Variants in JPH2 observed in about 807,000 individuals in gnomAD.
JPH2 encodes junctophilin-2.
Under a neutral mutation model 55.9 loss-of-function variants are expected in JPH2, and 38 were observed. The ratio of observed to expected loss-of-function variants is 0.68; its 90% CI spans 0.52 to 0.89. JPH2 has a LOEUF of 0.89. JPH2 is among the 40% of genes least tolerant of loss of function. JPH2 has a pLI of 0.00. For missense variants in JPH2, 964 were observed against 1,037.6 expected, an observed-to-expected ratio of 0.93 and a Z score of 0.97; for synonymous variants, 480 against 472.4, an observed-to-expected ratio of 1.02 and a Z score of -0.21.
chr20:44,127,618 T>G (rs560845877), intron 2 of JPH2, among the ~76,000 whole-genome samples: 1 of 152,154 alleles, frequency 6.6e-6, no homozygotes, highest in South Asian at 2.1e-4. Flanking sequence ...CCCGAGTACC[T>G]GGGATTACAG....
intron 2 of JPH2, among the ~76,000 whole-genome samples, chr20:44,152,487 G>A (rs938194548): frequency 1.9e-4 from 29 of 152,046 alleles, no homozygotes; most frequent in African/African-American, 6.8e-4. Context: ...ACCTACCTGG[G>A]CAATATAGCA....
chr20:44,149,258 G>A (rs2145870436), intron 2 of JPH2, among the ~76,000 whole-genome samples: 1 of 152,046 alleles, frequency 6.6e-6, no homozygotes, highest in Admixed American at 6.6e-5. Flanking sequence ...CCCTGCATTA[G>A]CCTCCTCACT....
At chr20:44,178,175 T>C (rs2072750817) in intron 1 of JPH2, among the ~76,000 whole-genome samples, 1 of 152,128 alleles carries the variant, frequency 6.6e-6, no homozygotes, top group African/African-American at 2.4e-5. Flanking sequence ...TCAAACTATT[T>C]TAAGTTAAAA....
At chr20:44,169,585 G>A (rs1338054573) in intron 1 of JPH2, among the ~76,000 whole-genome samples, 1 of 152,132 alleles carries the variant, frequency 6.6e-6, no homozygotes, top group African/African-American at 2.4e-5. Context: ...GCCAGACCAG[G>A]ATTCTGCCTC....
intron 2 of JPH2, among the ~76,000 whole-genome samples, chr20:44,138,361 A>G (rs924119571): frequency 2.0e-5 from 3 of 151,096 alleles, no homozygotes; most frequent in Non-Finnish European, 4.4e-5. Context: ...AGAGCCCAGC[A>G]GCAAGCAGCC....
intron 1 of JPH2, among the ~76,000 whole-genome samples, chr20:44,167,725 A>G (rs963468679): frequency 2.6e-5 from 4 of 152,230 alleles, no homozygotes; most frequent in African/African-American, 9.6e-5. Context: ...TAAGACATGC[A>G]TAAACTATTT....
rs141839990 is a variant in JPH2 at position 44,108,274 on chromosome 20, C to T, written c.*5244G>A. Among the ~76,000 whole-genome samples the T allele has an allele frequency of 6.6e-6, 1 of 152,308 alleles. No individual in the cohort carries two copies. The highest frequency in any genetic ancestry group is 1.5e-5 in the Non-Finnish European group (1 of 68,028). On this transcript the variant is annotated 3_prime_UTR_variant, in exon 6 of 6. Transcript: ENST00000372980. ...AACCCTCCCAGATTCCTTCCTATGTCCCTTTCCCTTGGCTGGTTCTGATTC... is the reference window on the plus strand; with the variant it reads ...AACCCTCCCAGATTCCTTCCTATGTTCCTTTCCCTTGGCTGGTTCTGATTC...
In JPH2 at chr20:44,160,163, G is replaced by A. The variant is rs398124358; in HGVS notation, c.624C>T (p.Ala208=). The change falls in exon 2 of 6, where the codon GCC becomes GCT. Residue 208 remains alanine, a synonymous_variant. Transcript: ENST00000372980. This position sits in a 1 kb window ranked among gnomAD's most constrained non-coding sequence, Gnocchi z 4.9. The stretch of plus-strand genomic sequence containing the variant: ...CCTTGGGCGCCCGCGCGGCCGCCTC[G>A]GCATTGGCCAGGAGGCTGAGCGCGA... ...GGFALSLLAN[A]EAAARAPKGG... is the part of the protein sequence containing the mutation. The A allele has an allele frequency of 6.4e-5, 91 of 1,422,148 alleles. No individual in the cohort carries two copies. The African/African-American group carries it at 1.1e-3, about 17-fold the overall frequency. The allele number at this position is 1,422,148 out of a possible 1,614,324, so 88.1% of individuals were successfully genotyped here.
chr20:44,149,284 G>A (rs761008503), intron 2 of JPH2, among the ~76,000 whole-genome samples: 12 of 152,096 alleles, frequency 7.9e-5, no homozygotes, highest in Non-Finnish European at 1.3e-4. Context: ...CCAGCCTACA[G>A]CCTAGCCCTT....
intron 1 of JPH2, among the ~76,000 whole-genome samples, chr20:44,185,581 G>C (rs2072829036): frequency 6.6e-6 from 1 of 151,612 alleles, no homozygotes; most frequent in Non-Finnish European, 1.5e-5. Context: ...GCTGCAAAGA[G>C]CCGAGATCAT....
At chr20:44,136,544 C>A (rs1224227751) in intron 2 of JPH2, among the ~76,000 whole-genome samples, 1 of 152,120 alleles carries the variant, frequency 6.6e-6, no homozygotes, top group Non-Finnish European at 1.5e-5. Flanking sequence ...TTAATTCTCA[C>A]AATATTCTCT....
chr20:44,142,673 T>A (rs1375920560), intron 2 of JPH2, among the ~76,000 whole-genome samples: 1 of 152,232 alleles, frequency 6.6e-6, no homozygotes, highest in African/African-American at 2.4e-5. Context: ...TCTGTCTTTA[T>A]GTACATCTGT....
chr20:44,174,897 A>G (rs1249256447), intron 1 of JPH2, among the ~76,000 whole-genome samples: 29 of 152,096 alleles, frequency 1.9e-4, no homozygotes. Context: ...GGAGGCTGAC[A>G]TGGGAGGATT....
At position 44,186,331 on chromosome 20, in the gene JPH2, A is replaced by G; in HGVS notation, c.375T>C (p.Asp125=). ...QDGYGTETYA[D]GGTYQGQFTN... is the part of the protein sequence containing the mutation. ...CGGGCCCCCAGCTGGCCTCACCTCC[A>G]TCAGCATAGGTCTCGGTGCCATAGC... Residue 125 remains aspartate (D), a synonymous_variant, in exon 1 of 6, where the codon GAT becomes GAC. Coordinates refer to ENST00000372980, the MANE Select transcript of JPH2 (RefSeq NM_020433.5). 1 of 1,598,068 alleles carries G rather than the reference A, an allele frequency of 6.3e-7. No homozygotes were observed. The highest frequency in any genetic ancestry group is 8.5e-7 in the Non-Finnish European group (1 of 1,175,624).
intron 2 of JPH2, among the ~76,000 whole-genome samples, chr20:44,149,419 A>G (rs1287165054): frequency 6.6e-6 from 1 of 152,162 alleles, no homozygotes; most frequent in Non-Finnish European, 1.5e-5. Context: ...CACATATATG[A>G]TTTCTCCGCC....
At chr20:44,146,927 ATT>A (rs2072497690) in intron 2 of JPH2, among the ~76,000 whole-genome samples, 1 of 152,108 alleles carries the variant, frequency 6.6e-6, no homozygotes, top group South Asian at 2.1e-4. Context: ...TAAAATGCAC[ATT>A]CTTTTTGACC....
In JPH2 at chr20:44,133,978, AAT is replaced by A. The variant is rs1482711265; in HGVS notation, c.1170-15357_1170-15356del. Among the ~76,000 whole-genome samples the A allele has an allele frequency of 1.9e-3, 108 of 56,458 alleles. 39 individuals are homozygous for A. The Middle Eastern group carries it at 0.037, about 19-fold the overall frequency. 37.0% of individuals were successfully genotyped at this position (56,458 alleles called of 152,430 possible). A position where few individuals can be genotyped will look rare whatever the true frequency, so the allele number is the denominator to read the frequency against. ...AAATAAATATATATTATAATATATA[AAT>A]ATATATTATTATAAATATATATAAA... On this transcript the variant is annotated intron_variant, in intron 2 of 5. Coordinates refer to ENST00000372980, the MANE Select transcript of JPH2 (RefSeq NM_020433.5).
At chr20:44,180,488 T>C (rs868731729) in intron 1 of JPH2, among the ~76,000 whole-genome samples, 34 of 152,258 alleles carry the variant, frequency 2.2e-4, no homozygotes, top group Middle Eastern at 3.4e-3. Context: ...TGTGCCACCA[T>C]GTCCAGCTAA....
intron 2 of JPH2, among the ~76,000 whole-genome samples, chr20:44,129,393 A>C (rs1424599199): frequency 6.6e-6 from 1 of 152,078 alleles, no homozygotes; most frequent in East Asian, 1.9e-4. Flanking sequence ...CGTCTCTACT[A>C]AAAATACAAA....
Sources: allele counts gnomAD v4.1 joint callset (sites outside exome capture counted in the v4.1 genomes callset), GRCh38; gene constraint gnomAD v4.1.1; non-coding constraint Gnocchi (gnomAD v3.1); transcripts MANE v1.5; gene names NCBI Gene and HGNC (gene_info 2026-07-23, HGNC 2026-07-21).